The following DAPK2 variants were observed in gnomAD, a reference collection of about 807,000 sequenced individuals.
DAPK2 encodes death associated protein kinase 2.
In DAPK2, 35 loss-of-function variants were observed where a neutral mutation model predicts 44.1. The observed-to-expected ratio is 0.79, with a 90% CI of 0.61 to 1.05. DAPK2 has a LOEUF of 1.05. DAPK2 is among the 50% of genes least tolerant of loss of function. DAPK2 has a pLI of 0.00. For missense variants in DAPK2, 453 were observed against 483.2 expected (o/e 0.94, Z 0.59); for synonymous variants, 174 against 182.6 (o/e 0.95, Z 0.38).
rs1318740909 is a variant in DAPK2 at position 63,990,377 on chromosome 15, G to T, written c.93-6623C>A. Among the ~76,000 whole-genome samples the T allele has an allele frequency of 2.0e-5, 3 of 152,004 alleles. No individual in the cohort carries two copies. Among genetic ancestry groups the T allele is most frequent in the African/African-American group, 7.3e-5 (3 of 41,346 alleles). ...TGGGAGGTGGAGGTTGCAGTGAGCT[G>T]AGATCGCACCGCTGCACTCCAGCCT... On this transcript the variant is annotated intron_variant, in intron 1 of 10. Transcript: ENST00000261891. This position sits in a 1 kb window ranked among gnomAD's most constrained non-coding sequence, Gnocchi z 4.3.
chr15:64,037,417 C>A (rs2080239633), intron 1 of DAPK2, among the ~76,000 whole-genome samples: 1 of 152,232 alleles, frequency 6.6e-6, no homozygotes, highest in Non-Finnish European at 1.5e-5. Flanking sequence ...CCCCATGCCC[C>A]ATCAATCCCT....
chr15:63,910,384 T>A (rs938562910), intron 10 of DAPK2, among the ~76,000 whole-genome samples: 8 of 152,268 alleles, frequency 5.3e-5, no homozygotes, highest in East Asian at 1.9e-4. Context: ...TCCCAGTCGC[T>A]CCCTGAGCAG....
chr15:63,920,520 A>G (rs763159318), intron 8 of DAPK2: 3 of 152,144 alleles, frequency 2.0e-5, no homozygotes, highest in Non-Finnish European at 4.4e-5. Flanking sequence ...GCATCTTATC[A>G]CCACGGTTTC....
intron 1 of DAPK2, among the ~76,000 whole-genome samples, chr15:63,993,572 T>C (rs2078872351): frequency 6.6e-6 from 1 of 152,050 alleles, no homozygotes; most frequent in African/African-American, 2.4e-5. Context: ...TCAAAATGTT[T>C]GTGAATTTTT....
At chr15:63,931,033 C>A (rs2079535655) in intron 4 of DAPK2, among the ~76,000 whole-genome samples, 1 of 152,096 alleles carries the variant, frequency 6.6e-6, no homozygotes, top group African/African-American at 2.4e-5. Flanking sequence ...CCACTACACT[C>A]CAGCCTGGGT....
At chr15:63,958,887 G>A (rs2140607626) in intron 3 of DAPK2, among the ~76,000 whole-genome samples, 1 of 152,286 alleles carries the variant, frequency 6.6e-6, no homozygotes, top group East Asian at 1.9e-4. Context: ...CCAATTCTGT[G>A]AAGAAAGTCA....
intron 3 of DAPK2, among the ~76,000 whole-genome samples, chr15:63,951,922 C>T (rs1162122240): frequency 2.0e-5 from 3 of 152,170 alleles, no homozygotes; most frequent in Non-Finnish European, 4.4e-5. Flanking sequence ...GAAAGTGACT[C>T]ACTGTGATCA....
intron 3 of DAPK2, among the ~76,000 whole-genome samples, chr15:63,970,674 A>T (rs975220469): frequency 3.3e-5 from 5 of 152,342 alleles, no homozygotes; most frequent in African/African-American, 1.2e-4. Flanking sequence ...AGAAAAATGA[A>T]GGGATCTCCC....
intron 4 of DAPK2, among the ~76,000 whole-genome samples, chr15:63,934,252 T>G (rs2077067579): frequency 1.6e-5 from 2 of 125,000 alleles, no homozygotes; most frequent in East Asian, 2.1e-4. Context: ...TATCCTAGTT[T>G]TTTTTTTTTT....
intron 4 of DAPK2, 84 bp from the exon 6 acceptor site, chr15:63,930,539 C>T (rs2079513071): frequency 1.2e-5 from 14 of 1,208,186 alleles, no homozygotes; most frequent in East Asian, 4.7e-5. Flanking sequence ...GAATTTGGTG[C>T]CAAATATCTC....
intron 1 of DAPK2, among the ~76,000 whole-genome samples, chr15:64,002,935 T>C (rs908502563): frequency 3.7e-5 from 5 of 133,362 alleles, no homozygotes; most frequent in Non-Finnish European, 6.5e-5. Context: ...TGTGTGTGTG[T>C]GTGTGTGTGT....
chr15:63,919,040 A>G (rs2079003494), intron 8 of DAPK2: 2 of 152,094 alleles, frequency 1.3e-5, no homozygotes, highest in African/African-American at 2.4e-5. Context: ...GGGAGCAGAG[A>G]TAAGCAGGTC....
intron 1 of DAPK2, among the ~76,000 whole-genome samples, chr15:64,038,957 G>T (rs2080284269): frequency 6.6e-6 from 1 of 152,150 alleles, no homozygotes; most frequent in Non-Finnish European, 1.5e-5. Context: ...TCAAAAGAAT[G>T]CAACCATCTG....
intron 4 of DAPK2, among the ~76,000 whole-genome samples, chr15:63,932,007 A>G (rs1164874984): frequency 2.6e-5 from 4 of 151,530 alleles, no homozygotes; most frequent in African/African-American, 9.7e-5. Context: ...TCTACTAAAA[A>G]TAAAAAAAAA....
rs554558587 is a variant in DAPK2, at chr15:64,031,327, T to C, written c.92+8843A>G. On this transcript the variant is annotated intron_variant, in intron 1 of 10. Transcript: ENST00000261891. ...AGCTCACTGCAGCTTCAACTTCCCATGCTCAAGCAATCCTCCCATCTCATC... is the reference window on the plus strand; with the variant it reads ...AGCTCACTGCAGCTTCAACTTCCCACGCTCAAGCAATCCTCCCATCTCATC... Among the ~76,000 whole-genome samples, 12 of 151,946 alleles carry C rather than the reference T, an allele frequency of 7.9e-5. No homozygotes were observed. In the East Asian group the frequency reaches 1.7e-3, roughly 22 times the overall value.
At position 63,923,316 on chromosome 15, in the gene DAPK2, G is replaced by C. The variant is rs1459012754; in HGVS notation, c.858+1500C>G. The C allele has an allele frequency of 3.9e-6, 6 of 1,535,568 alleles. No homozygotes were observed. In the African/African-American group the frequency reaches 6.8e-5, roughly 18 times the overall value. ...AGCTGGGTGGGCTCTGTCTTCCGCT[G>C]TTCAGGGGCTCTGCCTTCTCCTTTT... On this transcript the variant is annotated intron_variant, in intron 8 of 10. Transcript: ENST00000261891. This position sits in a 1 kb window ranked among gnomAD's most constrained non-coding sequence, Gnocchi z 4.2.
intron 10 of DAPK2, chr15:63,911,044 A>AC (rs2078773912): frequency 6.6e-6 from 1 of 152,266 alleles, no homozygotes; most frequent in South Asian, 2.1e-4. Context: ...ACATGGAGAA[A>AC]CCCCATCTCT....
chr15:63,973,511 C>T (rs2140764488), intron 2 of DAPK2, among the ~76,000 whole-genome samples: 1 of 152,334 alleles, frequency 6.6e-6, no homozygotes, highest in Admixed American at 6.5e-5. Context: ...TATCCTCTGC[C>T]TGTCCCACCA....
At chr15:64,041,098 A>T (rs1464833611), upstream of DAPK2, among the ~76,000 whole-genome samples, 6 of 152,222 alleles carry the variant, frequency 3.9e-5, no homozygotes, top group South Asian at 1.2e-3. Flanking sequence ...GTAAGGGATT[A>T]TCATGACCTC....
Sources: gnomAD v4.1 joint callset for allele counts (sites outside exome capture counted in the v4.1 genomes callset) on GRCh38, gnomAD v4.1.1 for gene constraint, Gnocchi (gnomAD v3.1) non-coding constraint, MANE v1.5 for transcripts, NCBI Gene and HGNC (gene_info 2026-07-23, HGNC 2026-07-21) for gene names.